SUCLG2: variants seen among roughly 807,000 people sequenced by gnomAD.
SUCLG2 encodes the protein succinate--CoA ligase [GDP-forming] subunit beta, mitochondrial.
A neutral mutation model predicts 47.9 loss-of-function variants in SUCLG2; 42 were observed. The ratio of observed to expected loss-of-function variants is 0.88; its 90% CI spans 0.69 to 1.14. SUCLG2 has a LOEUF of 1.14. Among genes scored for constraint, SUCLG2 ranks in the 50% most tolerant of loss-of-function variants. The pLI, the probability that SUCLG2 is intolerant of heterozygous loss-of-function variation, is 0.00. For synonymous variants in SUCLG2, 195 were observed against 197.3 expected, an observed-to-expected ratio of 0.99 and a Z score of 0.10; for missense variants, 571 against 525.9, an observed-to-expected ratio of 1.09 and a Z score of -0.84.
At chr3:67,517,456 A>G (rs1705974779) in intron 6 of SUCLG2, among the ~76,000 whole-genome samples, 2 of 152,192 alleles carry the variant, frequency 1.3e-5, no homozygotes, top group African/African-American at 4.8e-5. Context: ...ATCTAGGGCC[A>G]TTAAGGTGGC....
intron 2 of SUCLG2, among the ~76,000 whole-genome samples, chr3:67,555,841 C>T (rs1292315428): frequency 6.6e-6 from 1 of 152,170 alleles, no homozygotes; most frequent in Non-Finnish European, 1.5e-5. Context: ...TTGGCATAAT[C>T]TCAGAACATC....
intron 6 of SUCLG2, among the ~76,000 whole-genome samples, chr3:67,512,237 A>G (rs1705812963): frequency 6.6e-6 from 1 of 151,236 alleles, no homozygotes. Context: ...CCATTCTGAG[A>G]GTATTTTTAA....
intron 10 of SUCLG2, among the ~76,000 whole-genome samples, chr3:67,383,572 C>T (rs997068826): frequency 5.9e-5 from 9 of 152,104 alleles, no homozygotes; most frequent in Admixed American, 3.3e-4. Flanking sequence ...GATAGTTATT[C>T]GGACCATCAC....
chr3:67,362,554 T>C (rs190734267), intron 10 of SUCLG2, among the ~76,000 whole-genome samples: 5 of 152,330 alleles, frequency 3.3e-5, no homozygotes, highest in Non-Finnish European at 7.3e-5. Flanking sequence ...GTCTCCTCCA[T>C]GAAATTGCAA....
chr3:67,613,390 AT>A (rs1045618751), intron 1 of SUCLG2, among the ~76,000 whole-genome samples: 2 of 152,004 alleles, frequency 1.3e-5, no homozygotes, highest in South Asian at 2.1e-4. Context: ...CCAAATATGT[AT>A]TTTTTTTATT....
downstream of SUCLG2, among the ~76,000 whole-genome samples, chr3:67,369,982 C>A (rs1403588458): frequency 1.3e-5 from 2 of 151,994 alleles, no homozygotes; most frequent in Non-Finnish European, 2.9e-5. Context: ...TTTTGTCAAA[C>A]TTGAATATTA....
At chr3:67,523,363 CTG>C (rs1374419600) in intron 4 of SUCLG2, among the ~76,000 whole-genome samples, 4 of 152,188 alleles carry the variant, frequency 2.6e-5, no homozygotes, top group Non-Finnish European at 5.9e-5. Flanking sequence ...TATATAAAAA[CTG>C]TTTCTCAGCA....
intron 2 of SUCLG2, among the ~76,000 whole-genome samples, chr3:67,576,708 T>C (rs1707751995): frequency 6.6e-6 from 1 of 152,156 alleles, no homozygotes; most frequent in Non-Finnish European, 1.5e-5. Flanking sequence ...CTGTTGATTT[T>C]TGTGAATTTC....
At chr3:67,649,688 A>C (rs1701252842) in intron 1 of SUCLG2, among the ~76,000 whole-genome samples, 1 of 152,196 alleles carries the variant, frequency 6.6e-6, no homozygotes, top group African/African-American at 2.4e-5. Flanking sequence ...ATTAATCTCC[A>C]AATTTCATTA....
chr3:67,463,794 G>A (rs56022948), intron 9 of SUCLG2, among the ~76,000 whole-genome samples: 3,622 of 152,252 alleles, frequency 0.024, 82 homozygotes, highest in African/African-American at 0.059. Flanking sequence ...GCCGGGGGCC[G>A]TCTTGAAATA....
chr3:67,626,991 A>G (rs917259849), intron 1 of SUCLG2, among the ~76,000 whole-genome samples: 6 of 151,924 alleles, frequency 3.9e-5, no homozygotes, highest in African/African-American at 1.5e-4. Flanking sequence ...AAAATTTTCA[A>G]CTAGAAGTTT....
intron 10 of SUCLG2, among the ~76,000 whole-genome samples, chr3:67,385,900 T>A (rs1005840724): frequency 6.6e-6 from 1 of 152,166 alleles, no homozygotes; most frequent in Non-Finnish European, 1.5e-5. Context: ...GAGCAGTGGC[T>A]ATTAGGTAAG....
intron 2 of SUCLG2, among the ~76,000 whole-genome samples, chr3:67,594,754 G>T (rs1442358402): frequency 6.6e-6 from 1 of 152,196 alleles, no homozygotes; most frequent in African/African-American, 2.4e-5. Flanking sequence ...ATGGGTAAAA[G>T]ATTTTTATTA....
chr3:67,612,196 A>G (rs1700539688), intron 1 of SUCLG2, among the ~76,000 whole-genome samples: 1 of 152,156 alleles, frequency 6.6e-6, no homozygotes, highest in Admixed American at 6.6e-5. Flanking sequence ...CTGCCTCTAC[A>G]GAAAGTGAAA....
chr3:67,476,575 T>C (rs1461901667), intron 9 of SUCLG2, among the ~76,000 whole-genome samples: 3 of 152,140 alleles, frequency 2.0e-5, no homozygotes, highest in African/African-American at 7.2e-5. Flanking sequence ...ACAATAAATG[T>C]AATGCACTTG....
chr3:67,443,208 G>A (rs1461956166), intron 9 of SUCLG2, among the ~76,000 whole-genome samples: 2 of 152,058 alleles, frequency 1.3e-5, no homozygotes, highest in African/African-American at 4.8e-5. Flanking sequence ...ACTTGAGCAT[G>A]TGCTGATTTT....
intron 1 of SUCLG2, among the ~76,000 whole-genome samples, chr3:67,641,287 T>C (rs1222909240): frequency 6.6e-6 from 1 of 152,276 alleles, no homozygotes; most frequent in African/African-American, 2.4e-5. Context: ...AATGTTTTAG[T>C]TGGAAAACAA....
intron 2 of SUCLG2, among the ~76,000 whole-genome samples, chr3:67,585,070 C>A (rs6548638): frequency 6.6e-6 from 1 of 152,220 alleles, no homozygotes; most frequent in African/African-American, 2.4e-5. Context: ...ATATACAATA[C>A]ATAACTTAAT....
rs147216227 is a variant in SUCLG2 at position 67,576,282 on chromosome 3, T to C, written c.226+33173A>G. 8.6e-3 allele frequency among the ~76,000 whole-genome samples: 1,304 copies of C among 152,304 alleles called. 7 individuals carry two copies. Among genetic ancestry groups the C allele is most frequent in the Middle Eastern group, 0.024 (7 of 292 alleles). The stretch of plus-strand genomic sequence containing the variant: ...GCTCATTGAGTTTGCAGGGATATTG[T>C]TCCTTTATAACCTAGCGACTCTCTG... On this transcript the variant is annotated intron_variant, in intron 2 of 10. Coordinates refer to ENST00000307227, the MANE Select transcript of SUCLG2 (RefSeq NM_003848.4).
Sources: gnomAD v4.1 joint callset for allele counts (sites outside exome capture counted in the v4.1 genomes callset) on GRCh38, gnomAD v4.1.1 for gene constraint, MANE v1.5 for transcripts, NCBI Gene and HGNC (gene_info 2026-07-23, HGNC 2026-07-21) for gene names.